Variants in MROH1 observed in about 807,000 individuals in gnomAD.
MROH1 encodes maestro heat like repeat family member 1, also known as maestro heat-like repeat-containing protein family member 1.
In MROH1, 117 loss-of-function variants were observed where a neutral mutation model predicts 116.5. The ratio of observed to expected loss-of-function variants is 1.00; its 90% CI spans 0.86 to 1.17. The LOEUF is 1.17. Ranked by LOEUF, MROH1 falls within the 50% of genes most tolerant of loss-of-function variation. The pLI is 0.00. For synonymous variants in MROH1, 921 were observed against 583.9 expected (o/e 1.58, Z -8.32); for missense variants, 1,873 against 1,338.5 (o/e 1.40, Z -6.23).
chr8:144,199,299 G>A (rs919495542), intron 11 of MROH1, 99 bp downstream of exon 11: 2 of 1,290,758 alleles, frequency 1.5e-6, no homozygotes, highest in African/African-American at 1.5e-5. Context: ...GGTACTGGTC[G>A]GGGATGAGGA....
At chr8:144,228,232 C>CA (rs1838177064) in intron 14 of MROH1, among the ~76,000 whole-genome samples, 1 of 152,058 alleles carries the variant, frequency 6.6e-6, no homozygotes, top group Non-Finnish European at 1.5e-5. Flanking sequence ...GAGAACCTCT[C>CA]AAAAAGAAGT....
intron 1 of MROH1, among the ~76,000 whole-genome samples, chr8:144,158,873 G>T (rs1031795094): frequency 1.7e-4 from 26 of 152,162 alleles, no homozygotes; most frequent in African/African-American, 4.6e-4. Flanking sequence ...CGAGTAGCTG[G>T]GACTACAGGC....
chr8:144,242,839 C>T (rs1382198466), intron 24 of MROH1, among the ~76,000 whole-genome samples: 5 of 152,324 alleles, frequency 3.3e-5, no homozygotes, highest in African/African-American at 4.8e-5. Context: ...GAGGCGTCTG[C>T]GCCTCCGAGG....
At chr8:144,172,910 A>C (rs745371635) in intron 4 of MROH1, among the ~76,000 whole-genome samples, 1 of 152,054 alleles carries the variant, frequency 6.6e-6, no homozygotes, top group Non-Finnish European at 1.5e-5. Flanking sequence ...ACTTTCTCAG[A>C]TGTTCCCTGG....
intron 7 of MROH1, among the ~76,000 whole-genome samples, chr8:144,187,890 G>C (rs1386613119): frequency 2.0e-5 from 3 of 152,178 alleles, no homozygotes; most frequent in Non-Finnish European, 4.4e-5. Context: ...ATGGCTACAC[G>C]GGAGCCAGGT....
rs560339661 is a variant in MROH1, at chr8:144,210,643, C to T, written c.1142-9957C>T. 2.1e-3 allele frequency among the ~76,000 whole-genome samples: 319 copies of T among 151,942 alleles called. 1 individual carries two copies. The highest frequency in any genetic ancestry group is 3.2e-3 in the Non-Finnish European group (215 of 68,002). On this transcript the variant is annotated intron_variant, in intron 12 of 43. Coordinates refer to ENST00000326134, the MANE Select transcript of MROH1 (RefSeq NM_032450.3). The stretch of plus-strand genomic sequence containing the variant: ...GGCAGAGGTTGCAGTGAGCCAAGAT[C>T]GTGCCACTGCACTCCAGCCTGGGTG...
chr8:144,172,307 G>A (rs1421396519), intron 4 of MROH1, among the ~76,000 whole-genome samples: 1 of 152,090 alleles, frequency 6.6e-6, no homozygotes, highest in East Asian at 1.9e-4. Flanking sequence ...GCTATCTGGA[G>A]GCTTCATCTA....
intron 7 of MROH1, among the ~76,000 whole-genome samples, 200 bp from the exon 8 acceptor site, chr8:144,190,584 A>G (rs965274712): frequency 2.0e-5 from 3 of 151,860 alleles, no homozygotes; most frequent in African/African-American, 7.3e-5. Context: ...ATCTGCAAAA[A>G]CCCTATTTCC....
intron 37 of MROH1, 86 bp from the exon 38 acceptor site, chr8:144,259,825 A>G (rs531213755): frequency 0.037 from 26,398 of 708,276 alleles, 640 homozygotes; most frequent in African/African-American, 0.084. Flanking sequence ...CGGCGTGGGG[A>G]CAGCCTCTGG....
At chr8:144,260,586 G>A in intron 39 of MROH1, 91 bp from the exon 40 acceptor site, 2 of 764,578 alleles carry the variant, frequency 2.6e-6, no homozygotes, top group South Asian at 2.7e-5. Context: ...GCCCGGGTCA[G>A]GCAAGGGCAC....
chr8:144,172,281 A>G (rs1587863440), intron 4 of MROH1, among the ~76,000 whole-genome samples: 1 of 152,100 alleles, frequency 6.6e-6, no homozygotes, highest in South Asian at 2.1e-4. Context: ...TTTACTATCT[A>G]TTATCTCTGA....
At position 144,261,832 on chromosome 8, in the gene MROH1, A is replaced by G. The variant is rs2130168069; in HGVS notation, c.*92A>G. 4 of 699,558 alleles carry G rather than the reference A, an allele frequency of 5.7e-6. No individual in the cohort carries two copies. In the Admixed American group the frequency reaches 6.0e-5, roughly 11 times the overall value. The allele number at this position is 699,558 out of a possible 1,614,324, so 43.3% of individuals were successfully genotyped here. A position where few individuals can be genotyped will look rare whatever the true frequency, so the allele number is the denominator to read the frequency against. On this transcript the variant is annotated 3_prime_UTR_variant, in exon 44 of 44. Coordinates refer to ENST00000326134, the MANE Select transcript of MROH1 (RefSeq NM_032450.3). The stretch of plus-strand genomic sequence containing the variant: ...CTCCTGAGGACCACAGCCTGGGCAC[A>G]CGACTGGAGGGGCCTGGCCCCAGAA...
chr8:144,156,110 G>C (rs1377035284), intron 1 of MROH1, among the ~76,000 whole-genome samples: 1 of 151,958 alleles, frequency 6.6e-6, no homozygotes, highest in Non-Finnish European at 1.5e-5. Context: ...TGGGGCGCAT[G>C]TCTGTAATCC....
chr8:144,254,224 T>C (rs1050902088), intron 33 of MROH1, among the ~76,000 whole-genome samples: 7,124 of 152,350 alleles, frequency 0.047, 221 homozygotes, highest in African/African-American at 0.084. Context: ...TCTCTTCTAC[T>C]GTATCTAGAC....
intron 14 of MROH1, among the ~76,000 whole-genome samples, chr8:144,234,497 CG>C (rs1839614305): frequency 4.8e-5 from 1 of 20,630 alleles, no homozygotes; most frequent in Admixed American, 6.0e-4. Context: ...CTTTCTTTTT[CG>C]TTTTTTTTTT....
rs1034028988 is a variant in MROH1 at position 144,255,872 on chromosome 8, T to C, written c.3791+167T>C. On this transcript the variant is annotated intron_variant, in intron 35 of 43. Transcript: ENST00000326134. Reference sequence around the variant, plus strand: ...CCCAGGTGCAGGGCTGAGCTGTCAGTGGTGACATCCATGGCCACCCTTCTC... The same window carrying C: ...CCCAGGTGCAGGGCTGAGCTGTCAGCGGTGACATCCATGGCCACCCTTCTC... Among the ~76,000 whole-genome samples, 98 of 152,320 alleles carry C rather than the reference T, an allele frequency of 6.4e-4. 1 individual carries two copies. In the South Asian group the frequency reaches 0.02, roughly 31 times the overall value.
At position 144,255,659 on chromosome 8, in the gene MROH1, A is replaced by G. The variant is rs1193073511; in HGVS notation, c.3745A>G (p.Arg1249Gly). ...LPRNLQAQER[R>G]GASPALATRN... Reference sequence around the variant, plus strand: ...CCGGAACCTGCAGGCCCAGGAAAGGAGGGGTGCCAGTCCAGCCCTAGCCAC... The same window carrying G: ...CCGGAACCTGCAGGCCCAGGAAAGGGGGGGTGCCAGTCCAGCCCTAGCCAC... The change falls in exon 35 of 44, where the codon AGG becomes GGG. Residue 1249 changes from arginine to glycine, a missense_variant. Coordinates refer to ENST00000326134, the MANE Select transcript of MROH1 (RefSeq NM_032450.3). 1 of 768,796 alleles carries G rather than the reference A, an allele frequency of 1.3e-6. No individual in the cohort carries two copies. 47.6% of individuals were successfully genotyped at this position (768,796 alleles called of 1,614,324 possible). A position where few individuals can be genotyped will look rare whatever the true frequency, so the allele number is the denominator to read the frequency against.
chr8:144,234,411 C>T (rs114724573), intron 14 of MROH1, among the ~76,000 whole-genome samples: 2,274 of 147,860 alleles, frequency 0.015, 50 homozygotes, highest in African/African-American at 0.053. Context: ...TCATAGTATA[C>T]GTTTTGCACG....
chr8:144,256,606 C>T (rs1051557716), intron 35 of MROH1, among the ~76,000 whole-genome samples: 10 of 152,260 alleles, frequency 6.6e-5, no homozygotes, highest in East Asian at 3.9e-4. Context: ...TGGCCTGCTG[C>T]GAATCAGTGC....
Sources: gnomAD v4.1 joint callset for allele counts (sites outside exome capture counted in the v4.1 genomes callset) on GRCh38, gnomAD v4.1.1 for gene constraint, MANE v1.5 for transcripts, NCBI Gene and HGNC (gene_info 2026-07-23, HGNC 2026-07-21) for gene names.